Variants in RIT2 observed in about 807,000 individuals in gnomAD.
RIT2 encodes Ras like without CAAX 2.
A neutral mutation model predicts 23.7 loss-of-function variants in RIT2; 24 were observed. The ratio of observed to expected loss-of-function variants is 1.01; its 90% confidence interval spans 0.73 to 1.43. The LOEUF (loss-of-function observed/expected upper bound fraction) is 1.43. Among genes scored for constraint, RIT2 ranks in the 40% most tolerant of loss-of-function variants. RIT2 has a pLI of 0.00. For synonymous variants in RIT2, 107 were observed against 91.1 expected, an observed-to-expected ratio of 1.17 and a Z score of -0.99; for missense variants, 236 against 266.9, an observed-to-expected ratio of 0.88 and a Z score of 0.81.
intron 1 of RIT2, among the ~76,000 whole-genome samples, chr18:43,105,132 T>TTTG (rs1913781338): frequency 4.9e-4 from 43 of 87,864 alleles, no homozygotes; most frequent in Admixed American, 3.9e-3. Context: ...GTGTGTGTGT[T>TTTG]TGTGTGTGTG....
At chr18:43,061,955 C>T (rs1206050155) in intron 1 of RIT2, among the ~76,000 whole-genome samples, 1 of 152,052 alleles carries the variant, frequency 6.6e-6, no homozygotes, top group Non-Finnish European at 1.5e-5. Flanking sequence ...CTGTCATTCT[C>T]CCTCCCACTC....
intron 4 of RIT2, among the ~76,000 whole-genome samples, chr18:42,905,636 C>T (rs1287636514): frequency 6.6e-6 from 1 of 152,092 alleles, no homozygotes; most frequent in Admixed American, 6.5e-5. Context: ...CCATGCCTGG[C>T]TAATTTTTGT....
chr18:43,089,755 C>G (rs892969915), intron 1 of RIT2, among the ~76,000 whole-genome samples: 2 of 152,022 alleles, frequency 1.3e-5, no homozygotes, highest in Admixed American at 1.3e-4. Flanking sequence ...ACTATCTCAT[C>G]TTTGGCAAAA....
At position 42,743,469 on chromosome 18, in the gene RIT2, G is replaced by A. The variant is rs140706543; in HGVS notation, c.*24C>T. On this transcript the variant is annotated 3_prime_UTR_variant, in exon 5 of 5. Coordinates refer to ENST00000326695, the MANE Select transcript of RIT2 (RefSeq NM_002930.4). ...GTCCAACTAATAAAATTCAGAGAGC[G>A]TGAGGAACTCAAAAGCAAAGATATC... 49 of 1,512,450 alleles carry A rather than the reference G, an allele frequency of 3.2e-5. 1 individual carries two copies. The highest frequency in any genetic ancestry group is 2.0e-4 in the South Asian group (18 of 88,884). The allele number at this position is 1,512,450 out of a possible 1,614,324, so 93.7% of individuals were successfully genotyped here. A position where few individuals can be genotyped will look rare whatever the true frequency, so the allele number is the denominator to read the frequency against.
At chr18:43,056,122 C>T (rs1912496996) in intron 1 of RIT2, among the ~76,000 whole-genome samples, 3 of 152,188 alleles carry the variant, frequency 2.0e-5, no homozygotes, top group Non-Finnish European at 4.4e-5. Context: ...TATCCCTAGA[C>T]CTGCTCATAC....
At chr18:42,904,955 T>A (rs1054842237) in intron 4 of RIT2, among the ~76,000 whole-genome samples, 6 of 152,172 alleles carry the variant, frequency 3.9e-5, no homozygotes, top group African/African-American at 1.4e-4. Flanking sequence ...AACTAGGACA[T>A]AGAAAGATGA....
intron 4 of RIT2, among the ~76,000 whole-genome samples, chr18:42,840,107 C>T (rs1906722713): frequency 6.6e-6 from 1 of 152,144 alleles, no homozygotes; most frequent in Non-Finnish European, 1.5e-5. Context: ...TTCTGTATTG[C>T]AAAAAACTCC....
chr18:43,030,208 A>G (rs1164971599), intron 2 of RIT2, among the ~76,000 whole-genome samples: 1 of 152,102 alleles, frequency 6.6e-6, no homozygotes, highest in African/African-American at 2.4e-5. Context: ...ACATTCTAAA[A>G]GAATGCATAA....
intron 2 of RIT2, among the ~76,000 whole-genome samples, chr18:42,989,774 C>T (rs139614903): frequency 1.2e-3 from 189 of 152,174 alleles, no homozygotes; most frequent in African/African-American, 4.3e-3. Context: ...CACAGCTCTT[C>T]GTGGCCTTTT....
chr18:42,999,216 A>G (rs1382692481), intron 2 of RIT2, among the ~76,000 whole-genome samples: 2 of 152,038 alleles, frequency 1.3e-5, no homozygotes, highest in African/African-American at 2.4e-5. Context: ...TGCTTATGCT[A>G]TGATTTTTTC....
intron 2 of RIT2, among the ~76,000 whole-genome samples, chr18:42,979,297 A>G (rs1383744469): frequency 6.6e-6 from 1 of 152,108 alleles, no homozygotes; most frequent in East Asian, 1.9e-4. Context: ...CCACCAAAAT[A>G]TATAACTAAG....
intron 1 of RIT2, among the ~76,000 whole-genome samples, chr18:43,064,411 C>T (rs1198689718): frequency 1.3e-5 from 2 of 152,112 alleles, no homozygotes. Context: ...AAGTAATGTA[C>T]ATTTTGGAGG....
At chr18:42,904,866 A>G (rs1447093685) in intron 4 of RIT2, among the ~76,000 whole-genome samples, 1 of 152,180 alleles carries the variant, frequency 6.6e-6, no homozygotes, top group East Asian at 1.9e-4. Context: ...CTAAGTGGCA[A>G]TCAGAAGAAT....
chr18:42,955,627 C>T (rs1169877041), intron 3 of RIT2, among the ~76,000 whole-genome samples: 3 of 152,166 alleles, frequency 2.0e-5, no homozygotes, highest in Non-Finnish European at 4.4e-5. Context: ...TGAGTCTCTA[C>T]CCCAAATATT....
chr18:43,088,125 C>T (rs562220604), intron 1 of RIT2, among the ~76,000 whole-genome samples: 13 of 151,946 alleles, frequency 8.6e-5, no homozygotes, highest in South Asian at 2.1e-4. Context: ...CTTTGAAAGG[C>T]GTATTACTCC....
chr18:43,095,406 G>C (rs1380106510), intron 1 of RIT2, among the ~76,000 whole-genome samples: 1 of 151,494 alleles, frequency 6.6e-6, no homozygotes, highest in Non-Finnish European at 1.5e-5. Flanking sequence ...TTTTGATGGG[G>C]TTAAAAAATG....
intron 2 of RIT2, among the ~76,000 whole-genome samples, chr18:43,023,467 C>A (rs1327206039): frequency 2.0e-5 from 3 of 152,002 alleles, no homozygotes; most frequent in Non-Finnish European, 2.9e-5. Flanking sequence ...TCGATTAATT[C>A]CTGCTAAGGA....
At chr18:43,083,295 C>A (rs1913201655) in intron 1 of RIT2, among the ~76,000 whole-genome samples, 3 of 152,092 alleles carry the variant, frequency 2.0e-5, no homozygotes, top group Admixed American at 2.0e-4. Flanking sequence ...ATGAAAATGG[C>A]CATACTGCCC....
chr18:42,797,646 C>A (rs1905407279), intron 4 of RIT2, among the ~76,000 whole-genome samples: 2 of 152,110 alleles, frequency 1.3e-5, no homozygotes, highest in Admixed American at 1.3e-4. Flanking sequence ...TTTCCTGAGT[C>A]ACTATGAGGC....
Sources: allele counts gnomAD v4.1 joint callset (sites outside exome capture counted in the v4.1 genomes callset), GRCh38; gene constraint gnomAD v4.1.1; transcripts MANE v1.5; gene names NCBI Gene and HGNC (gene_info 2026-07-23, HGNC 2026-07-21).